The following CSMD1 variants were observed in gnomAD, a reference collection of about 807,000 sequenced individuals.
CSMD1 encodes the protein CUB and sushi domain-containing protein 1.
Under a neutral mutation model 417.5 loss-of-function variants are expected in CSMD1, and 213 were observed. The observed-to-expected ratio is 0.51, with a 90% confidence interval of 0.46 to 0.57. CSMD1 has a LOEUF of 0.57. CSMD1 is among the 20% of genes least tolerant of loss of function. The pLI is 0.00. For missense variants in CSMD1, 6,923 were observed against 4,529.7 expected (o/e 1.53, Z -15.17); for synonymous variants, 2,862 against 1,736.8 (o/e 1.65, Z -16.11).
chr8:3,053,274 C>A lies in CSMD1; in HGVS notation c.7475-627G>T, dbSNP rs1279701800. ...CATATTTTATCAGAGGGTGTGGCCACGGGAGCACAATGTCACACACTCAAC... is the reference window on the plus strand; with the variant it reads ...CATATTTTATCAGAGGGTGTGGCCAAGGGAGCACAATGTCACACACTCAAC... On this transcript the variant is annotated intron_variant, in intron 49 of 69. Coordinates refer to ENST00000635120, the MANE Select transcript of CSMD1 (RefSeq NM_033225.6). Among the ~76,000 whole-genome samples the A allele has an allele frequency of 2.6e-5, 4 of 152,162 alleles. No homozygotes were observed. In the East Asian group the frequency reaches 7.7e-4, roughly 29 times the overall value.
chr8:4,090,148 T>G (rs1321338313), intron 3 of CSMD1, among the ~76,000 whole-genome samples: 1 of 152,196 alleles, frequency 6.6e-6, no homozygotes, highest in Non-Finnish European at 1.5e-5. Context: ...AATACAGTCT[T>G]AATTGGCTTG....
intron 10 of CSMD1, among the ~76,000 whole-genome samples, chr8:3,549,276 C>A (rs1228235112): frequency 1.3e-5 from 2 of 152,228 alleles, no homozygotes; most frequent in South Asian, 4.1e-4. Flanking sequence ...GTGCCAGTGA[C>A]TGTGTGTCCT....
chr8:3,699,844 C>T (rs1013121972), intron 7 of CSMD1, among the ~76,000 whole-genome samples: 7 of 150,976 alleles, frequency 4.6e-5, no homozygotes, highest in Non-Finnish European at 1.0e-4. Flanking sequence ...CCACACGACA[C>T]ACCATCCCAT....
chr8:2,944,564 T>C (rs997479043), intron 68 of CSMD1, among the ~76,000 whole-genome samples: 9 of 152,194 alleles, frequency 5.9e-5, no homozygotes, highest in African/African-American at 2.2e-4. Context: ...AAAATGTAAC[T>C]TTCCTGAAGC....
intron 1 of CSMD1, among the ~76,000 whole-genome samples, chr8:4,761,941 ATCT>A: frequency 6.7e-6 from 1 of 149,188 alleles, no homozygotes; most frequent in Non-Finnish European, 1.5e-5. Context: ...CTATCTATCT[ATCT>A]ATCTATCTAT....
intron 3 of CSMD1, among the ~76,000 whole-genome samples, chr8:4,227,658 C>G (rs62478840): frequency 0.079 from 12,020 of 152,100 alleles, 669 homozygotes; most frequent in Non-Finnish European, 0.12. Flanking sequence ...TGCCAGTGAT[C>G]CTCCTGGCAG....
intron 1 of CSMD1, among the ~76,000 whole-genome samples, chr8:4,736,561 G>A (rs561940235): frequency 6.6e-6 from 1 of 152,154 alleles, no homozygotes; most frequent in African/African-American, 2.4e-5. Context: ...CCCAGGGAAG[G>A]TGAACACTCA....
intron 7 of CSMD1, among the ~76,000 whole-genome samples, chr8:3,655,804 A>T (rs983734450): frequency 3.3e-5 from 5 of 152,292 alleles, no homozygotes; most frequent in Admixed American, 2.0e-4. Flanking sequence ...GCAAGAAAGA[A>T]AGTCTTCCAA....
chr8:3,196,664 G>T (rs1178348552), intron 33 of CSMD1, among the ~76,000 whole-genome samples: 2 of 152,152 alleles, frequency 1.3e-5, no homozygotes, highest in African/African-American at 4.8e-5. Flanking sequence ...TCAGAGGGGG[G>T]TGAAAGGTTG....
At chr8:4,093,772 C>T (rs908986782) in intron 3 of CSMD1, among the ~76,000 whole-genome samples, 2 of 152,072 alleles carry the variant, frequency 1.3e-5, no homozygotes, top group African/African-American at 4.8e-5. Flanking sequence ...ACCAGCTTGG[C>T]CAACATGGTG....
chr8:4,756,822 T>C (rs1178388774), intron 1 of CSMD1, among the ~76,000 whole-genome samples: 1 of 152,180 alleles, frequency 6.6e-6, no homozygotes, highest in Admixed American at 6.5e-5. Flanking sequence ...ATAGAAGAGC[T>C]GGGCCCAGGT....
intron 3 of CSMD1, among the ~76,000 whole-genome samples, chr8:4,150,442 G>A (rs1044571914): frequency 2.0e-5 from 3 of 152,188 alleles, no homozygotes; most frequent in Non-Finnish European, 2.9e-5. Context: ...GACAACTTCA[G>A]TGCCTTTTAC....
At chr8:3,763,340 G>A (rs925375436) in intron 5 of CSMD1, among the ~76,000 whole-genome samples, 3 of 152,286 alleles carry the variant, frequency 2.0e-5, no homozygotes, top group East Asian at 1.9e-4. Flanking sequence ...AGGTGTTGGT[G>A]TCATGGGGGC....
chr8:3,259,827 T>A, intron 26 of CSMD1, among the ~76,000 whole-genome samples: 1 of 150,274 alleles, frequency 6.7e-6, no homozygotes, highest in East Asian at 1.9e-4. Flanking sequence ...AAGCTAAGAA[T>A]GGTTTTACAT....
At chr8:4,456,004 C>T (rs186299961) in intron 2 of CSMD1, among the ~76,000 whole-genome samples, 3 of 106,584 alleles carry the variant, frequency 2.8e-5, no homozygotes, top group Non-Finnish European at 1.8e-5. Context: ...AATTGCTTAT[C>T]TTCTCCTTAA....
intron 3 of CSMD1, among the ~76,000 whole-genome samples, chr8:4,163,958 T>G (rs1393399920): frequency 6.6e-6 from 1 of 152,178 alleles, no homozygotes; most frequent in African/African-American, 2.4e-5. Context: ...GCTTCTCAAA[T>G]TAATTTTAGG....
chr8:4,750,150 C>A (rs1431174624), intron 1 of CSMD1, among the ~76,000 whole-genome samples: 3 of 152,072 alleles, frequency 2.0e-5, no homozygotes, highest in Non-Finnish European at 4.4e-5. Context: ...GGACTACAGG[C>A]GCCCGCCACC....
chr8:4,252,509 C>G (rs1374752811), intron 3 of CSMD1, among the ~76,000 whole-genome samples: 1 of 152,198 alleles, frequency 6.6e-6, no homozygotes, highest in African/African-American at 2.4e-5. Context: ...GAGGCATGTC[C>G]TGTTTCCTCA....
intron 3 of CSMD1, among the ~76,000 whole-genome samples, chr8:4,314,608 C>T (rs1426111195): frequency 7.1e-6 from 1 of 139,962 alleles, no homozygotes; most frequent in African/African-American, 2.7e-5. Context: ...CATTTTCACA[C>T]ACACACACAC....
Sources: allele counts gnomAD v4.1 joint callset (sites outside exome capture counted in the v4.1 genomes callset), GRCh38; gene constraint gnomAD v4.1.1; transcripts MANE v1.5; gene names NCBI Gene and HGNC (gene_info 2026-07-23, HGNC 2026-07-21).